The following CNTN1 variants were observed in gnomAD, a reference collection of about 807,000 sequenced individuals.
CNTN1 encodes contactin-1.
In CNTN1, 38 loss-of-function variants were observed where a neutral mutation model predicts 126.4. That is an observed-to-expected ratio of 0.30 (90% confidence interval 0.23 to 0.39). The LOEUF (loss-of-function observed/expected upper bound fraction) is 0.39, where lower values mean the gene tolerates loss of function less well. Ranked by LOEUF, CNTN1 falls within the 10% of genes least tolerant of loss-of-function variation. CNTN1 has a pLI of 1.00. For synonymous variants in CNTN1, 413 were observed against 422.6 expected, an observed-to-expected ratio of 0.98 and a Z score of 0.28; for missense variants, 1,009 against 1,248.4, an observed-to-expected ratio of 0.81 and a Z score of 2.89.
At chr12:40,962,078 T>A (rs931484877) in intron 15 of CNTN1, among the ~76,000 whole-genome samples, 2 of 152,172 alleles carry the variant, frequency 1.3e-5, no homozygotes, top group African/African-American at 2.4e-5. Flanking sequence ...CGCTAAAAAA[T>A]TTTTTATAAC....
chr12:40,899,583 C>G (rs1044547079), intron 1 of CNTN1, among the ~76,000 whole-genome samples: 3 of 152,116 alleles, frequency 2.0e-5, no homozygotes, highest in Admixed American at 6.5e-5. Flanking sequence ...GTTGGCTGAA[C>G]GTGTGGCCCT....
At chr12:40,802,220 A>G (rs1413772235) in intron 1 of CNTN1, among the ~76,000 whole-genome samples, 1 of 151,994 alleles carries the variant, frequency 6.6e-6, no homozygotes, top group Non-Finnish European at 1.5e-5. Flanking sequence ...TGAGTTCATC[A>G]GTATATACAT....
chr12:40,933,262 T>G (rs900742739), intron 7 of CNTN1, among the ~76,000 whole-genome samples, 199 bp from the exon 8 acceptor site: 1 of 151,946 alleles, frequency 6.6e-6, no homozygotes, highest in African/African-American at 2.4e-5. Flanking sequence ...CGAGCCAATA[T>G]TATTGAAAAT....
intron 20 of CNTN1, among the ~76,000 whole-genome samples, chr12:41,021,461 A>C (rs1486745496): frequency 6.6e-6 from 1 of 152,128 alleles, no homozygotes; most frequent in Non-Finnish European, 1.5e-5. Context: ...GCCATGCAAG[A>C]CCAGTGCTGA....
At chr12:40,952,279 A>G (rs1946718280) in intron 14 of CNTN1, among the ~76,000 whole-genome samples, 1 of 152,076 alleles carries the variant, frequency 6.6e-6, no homozygotes, top group Non-Finnish European at 1.5e-5. Flanking sequence ...TTAATAGTAA[A>G]TCTTTGGGTA....
intron 16 of CNTN1, among the ~76,000 whole-genome samples, chr12:40,984,515 G>A (rs1000901922): frequency 6.6e-6 from 1 of 152,172 alleles, no homozygotes; most frequent in African/African-American, 2.4e-5. Context: ...AAAGAGAGAA[G>A]CAAGGTGCTA....
chr12:40,980,918 G>A lies in CNTN1; in HGVS notation c.1814G>A (p.Gly605Asp), dbSNP rs767086250. Residue 605 changes from glycine to aspartate, a missense_variant, in exon 16 of 24, where the codon GGC becomes GAC. Physicochemically the swap from Gly to Asp is moderately conservative, Grantham distance 94. Coordinates refer to ENST00000551295, the MANE Select transcript of CNTN1 (RefSeq NM_001843.4). ...CACATTTTCATTTCAGGCCCTCCAG[G>A]CCCTCCAGGTGGTCTGAGAATAGAA... ...SADLVVRGPP[G>D]PPGGLRIEDI... 8.1e-6 allele frequency: 13 copies of A among 1,613,764 alleles called. No individual in the cohort carries two copies. The highest frequency in any genetic ancestry group is 1.7e-5 in the Admixed American group (1 of 59,964).
chr12:40,773,439 G>A (rs1939425448), intron 1 of CNTN1, among the ~76,000 whole-genome samples: 1 of 151,260 alleles, frequency 6.6e-6, no homozygotes, highest in Admixed American at 6.6e-5. Context: ...TATAAGAATA[G>A]ATGTGTAAAC....
At chr12:40,718,644 T>C (rs1942111080) in intron 1 of CNTN1, among the ~76,000 whole-genome samples, 1 of 152,202 alleles carries the variant, frequency 6.6e-6, no homozygotes, top group African/African-American at 2.4e-5. Context: ...ACCCATCATG[T>C]TGCAGCAGTA....
intron 1 of CNTN1, among the ~76,000 whole-genome samples, chr12:40,810,432 A>G (rs1055011725): frequency 6.6e-6 from 1 of 152,170 alleles, no homozygotes; most frequent in African/African-American, 2.4e-5. Context: ...TTTCAAGTGT[A>G]TAATATGGCA....
intron 1 of CNTN1, among the ~76,000 whole-genome samples, chr12:40,794,215 T>A (rs1236666292): frequency 6.6e-6 from 1 of 152,128 alleles, no homozygotes; most frequent in Non-Finnish European, 1.5e-5. Flanking sequence ...AACATTATTT[T>A]TGTATTGCTG....
At chr12:40,699,787 A>G (rs1941550010) in intron 1 of CNTN1, among the ~76,000 whole-genome samples, 1 of 152,082 alleles carries the variant, frequency 6.6e-6, no homozygotes, top group Non-Finnish European at 1.5e-5. Context: ...GAAGTAACTA[A>G]TTTGCCCAAG....
chr12:40,722,271 G>A (rs1219396460), intron 1 of CNTN1, among the ~76,000 whole-genome samples: 1 of 152,062 alleles, frequency 6.6e-6, no homozygotes, highest in Non-Finnish European at 1.5e-5. Flanking sequence ...ACTGGTTTAA[G>A]GCAATTTGTA....
At chr12:40,972,427 T>A in intron 15 of CNTN1, 1 of 984,330 alleles carries the variant, frequency 1.0e-6, no homozygotes, top group East Asian at 1.1e-4. Context: ...ATTTTGATTT[T>A]CTTAGACAGG....
chr12:40,856,094 A>G (rs1042525648), intron 1 of CNTN1, among the ~76,000 whole-genome samples: 1 of 152,108 alleles, frequency 6.6e-6, no homozygotes, highest in Admixed American at 6.6e-5. Context: ...GGTAACTAGG[A>G]AAGAGGGAGC....
In CNTN1 at chr12:41,070,289, T is replaced by C. The variant is rs944720635; in HGVS notation, c.*254T>C. ...AATATGCCTTATAAACCACTTAACC[T>C]GATTCTGTGACAGTTGCATGATTTA... On this transcript the variant is annotated 3_prime_UTR_variant, in exon 24 of 24. Transcript: ENST00000551295. 3 of 515,490 alleles carry C rather than the reference T, an allele frequency of 5.8e-6. No individual in the cohort carries two copies. The highest frequency in any genetic ancestry group is 5.8e-5 in the African/African-American group (3 of 51,876). The allele number at this position is 515,490 out of a possible 1,614,324, so 31.9% of individuals were successfully genotyped here.
intron 1 of CNTN1, among the ~76,000 whole-genome samples, chr12:40,851,295 C>T (rs1170564238): frequency 1.3e-5 from 2 of 152,168 alleles, no homozygotes; most frequent in South Asian, 4.1e-4. Flanking sequence ...TTCTCTTTCC[C>T]TCTCATTGTC....
At chr12:40,708,095 A>C (rs1159520135) in intron 1 of CNTN1, among the ~76,000 whole-genome samples, 1 of 152,240 alleles carries the variant, frequency 6.6e-6, no homozygotes, top group Non-Finnish European at 1.5e-5. Flanking sequence ...GTTAAATTTT[A>C]CATTAAAGAG....
intron 9 of CNTN1, among the ~76,000 whole-genome samples, chr12:40,936,259 T>C (rs946744785): frequency 3.3e-5 from 5 of 152,204 alleles, no homozygotes; most frequent in Admixed American, 1.3e-4. Flanking sequence ...GTTTCTAATA[T>C]GGAAAGAGTA....
Sources: allele counts gnomAD v4.1 joint callset (sites outside exome capture counted in the v4.1 genomes callset), GRCh38; gene constraint gnomAD v4.1.1; transcripts MANE v1.5; gene names NCBI Gene and HGNC (gene_info 2026-07-23, HGNC 2026-07-21).